The following BCKDK variants were observed in gnomAD, a reference collection of about 807,000 sequenced individuals.
BCKDK encodes branched-chain alpha-ketoacid dehydrogenase kinase.
Under a neutral mutation model 43.9 loss-of-function variants are expected in BCKDK, and 28 were observed. The ratio of observed to expected loss-of-function variants is 0.64; its 90% CI spans 0.47 to 0.87. The LOEUF is 0.87. Among genes scored for constraint, BCKDK ranks in the 40% least tolerant of loss-of-function variants. BCKDK has a pLI of 0.00. For missense variants in BCKDK, 483 were observed against 581.4 expected (o/e 0.83, Z 1.74); for synonymous variants, 257 against 234.3 (o/e 1.10, Z -0.88).
chr16:31,109,765 C>A lies in BCKDK; in HGVS notation c.357C>A (p.Asn119Lys), dbSNP rs1596808721. The stretch of plus-strand genomic sequence containing the variant: ...GCCTTCCTTTCATCATTGGCTGCAA[C>A]CCCACCATACTGCACGTGGTAAGGT... ...FRCLPFIIGC[N>K]PTILHVHELY... The change falls in exon 4 of 12, where the codon AAC becomes AAA. Residue 119 changes from asparagine (N) to lysine (K), a missense_variant. By Grantham distance (94) the Asn-to-Lys change is moderately conservative. Coordinates refer to ENST00000219794, the MANE Select transcript of BCKDK (RefSeq NM_005881.4). The surrounding 1 kb of genome is among the most constrained non-coding windows in gnomAD (Gnocchi z 5.3). 8 of 1,613,800 alleles carry A rather than the reference C, an allele frequency of 5.0e-6. No individual in the cohort carries two copies. Among genetic ancestry groups the A allele is most frequent in the Non-Finnish European group, 5.1e-6 (6 of 1,179,986 alleles).
Position 31,111,297 on chromosome 16 carries a change from T to A in BCKDK, c.846-3T>A, listed in dbSNP as rs118042732. 3.6e-4 allele frequency: 589 copies of A among 1,614,014 alleles called. No individual in the cohort carries two copies. The highest frequency in any genetic ancestry group is 4.4e-4 in the Non-Finnish European group (525 of 1,180,006). On this transcript the variant is annotated splice_region_variant and splice_polypyrimidine_tract_variant and intron_variant, in intron 9 of 11. Transcript: ENST00000219794. ...TACCTACTGGTCTTTCCCCTCTGCA[T>A]AGAGCCACAATGGAGAGTCACCTAG...
downstream of BCKDK, among the ~76,000 whole-genome samples, chr16:31,114,295 C>A (rs1035930438): frequency 2.8e-5 from 4 of 145,148 alleles, no homozygotes; most frequent in African/African-American, 7.6e-5. Flanking sequence ...GCCCCACCCC[C>A]CCCCAACCCC....
chr16:31,109,704 C>T lies in BCKDK; in HGVS notation c.296C>T (p.Pro99Leu), dbSNP rs757061262. Residue 99 changes from proline (P) to leucine (L), a missense_variant, in exon 4 of 12, where the codon CCA becomes CTA. Coordinates refer to ENST00000219794, the MANE Select transcript of BCKDK (RefSeq NM_005881.4). This position sits in a 1 kb window ranked among gnomAD's most constrained non-coding sequence, Gnocchi z 5.3. Reference sequence around the variant, plus strand: ...GCTCGGTACCTGCAGCAAGAACTTCCAGTGAGGATTGCTCACCGCATCAAG... The same window carrying T: ...GCTCGGTACCTGCAGCAAGAACTTCTAGTGAGGATTGCTCACCGCATCAAG... ...KSARYLQQEL[P>L]VRIAHRIKGF... 3.7e-6 allele frequency: 6 copies of T among 1,614,036 alleles called. No homozygotes were observed. Among genetic ancestry groups the T allele is most frequent in the Non-Finnish European group, 4.2e-6 (5 of 1,180,032 alleles).
Position 31,112,186 on chromosome 16 carries a change from A to G in BCKDK, c.1160A>G (p.Gln387Arg). The change falls in exon 12 of 12, where the codon CAG becomes CGG. Residue 387 changes from glutamine to arginine, a missense_variant. Transcript: ENST00000219794. This position sits in a 1 kb window ranked among gnomAD's most constrained non-coding sequence, Gnocchi z 5.0. ...AEYLGGSLQL[Q>R]SLQGIGTDVY... Reference sequence around the variant, plus strand: ...TACCTCGGTGGGTCTCTGCAGCTGCAGTCCCTGCAGGGCATTGGCACGGAC... The same window carrying G: ...TACCTCGGTGGGTCTCTGCAGCTGCGGTCCCTGCAGGGCATTGGCACGGAC... The G allele has an allele frequency of 1.2e-6, 2 of 1,613,116 alleles. No individual in the cohort carries two copies. Among genetic ancestry groups the G allele is most frequent in the Non-Finnish European group, 1.7e-6 (2 of 1,179,938 alleles).
chr16:31,114,292 C>A (rs937791027), downstream of BCKDK, among the ~76,000 whole-genome samples: 3 of 136,290 alleles, frequency 2.2e-5, no homozygotes, highest in East Asian at 2.0e-4. Context: ...TCCGCCCCAC[C>A]CCCCCCCAAC....
rs541312517 is a variant in BCKDK, at chr16:31,112,683, C to T, written c.*418C>T. The T allele has an allele frequency of 1.4e-4, 48 of 349,192 alleles. No individual in the cohort carries two copies. The highest frequency in any genetic ancestry group is 2.2e-4 in the Non-Finnish European group (40 of 181,260). The allele number at this position is 349,192 out of a possible 1,614,324, so 21.6% of individuals were successfully genotyped here. A position where few individuals can be genotyped will look rare whatever the true frequency, so the allele number is the denominator to read the frequency against. ...CCCAGTCTCTTACCTGCCCTGAGAG[C>T]CTGGCAGGCCAGGAGTAGAATGGGT... On this transcript the variant is annotated 3_prime_UTR_variant, in exon 12 of 12. Transcript: ENST00000219794. The surrounding 1 kb of genome is among the most constrained non-coding windows in gnomAD (Gnocchi z 5.0).
chr16:31,109,105 G>A lies in BCKDK; in HGVS notation c.-119G>A. 1.1e-6 allele frequency: 1 copy of A among 901,392 alleles called. No homozygotes were observed. The highest frequency in any genetic ancestry group is 1.6e-6 in the Non-Finnish European group (1 of 636,842). 55.8% of individuals were successfully genotyped at this position (901,392 alleles called of 1,614,324 possible). A position where few individuals can be genotyped will look rare whatever the true frequency, so the allele number is the denominator to read the frequency against. ...GCATCCTCGACGCACCCTGGTCCCT[G>A]AAGTCGGAGAAGAGCCCCTACCCAC... is the stretch of plus-strand genomic sequence containing the variant. On this transcript the variant is annotated 5_prime_UTR_variant, in exon 2 of 12. The change abolishes the stop of an existing upstream ORF in the 5' untranslated region. Transcript: ENST00000219794. The surrounding 1 kb of genome is among the most constrained non-coding windows in gnomAD (Gnocchi z 5.3).
At chr16:31,111,523 T>A in intron 10 of BCKDK, 134 bp downstream of exon 10, 2 of 1,031,668 alleles carry the variant, frequency 1.9e-6, no homozygotes, top group Non-Finnish European at 2.9e-6. Flanking sequence ...AACTATTCTC[T>A]GAATCCTGAG....
chr16:31,111,523 T>G, intron 10 of BCKDK, 134 bp downstream of exon 10: 1 of 1,031,672 alleles, frequency 9.7e-7, no homozygotes, highest in Non-Finnish European at 1.4e-6. Context: ...AACTATTCTC[T>G]GAATCCTGAG....
Position 31,112,428 on chromosome 16 carries a change from A to G in BCKDK, c.*163A>G. ...TGGAGCTGGGCACTGCCCTGCCTCAACAGGGTCCATTGCCTCCTCGCCTCC... is the reference window on the plus strand; with the variant it reads ...TGGAGCTGGGCACTGCCCTGCCTCAGCAGGGTCCATTGCCTCCTCGCCTCC... On this transcript the variant is annotated 3_prime_UTR_variant, in exon 12 of 12. Transcript: ENST00000219794. The surrounding 1 kb of genome is among the most constrained non-coding windows in gnomAD (Gnocchi z 5.0). 3 of 1,199,702 alleles carry G rather than the reference A, an allele frequency of 2.5e-6. No individual in the cohort carries two copies. The highest frequency in any genetic ancestry group is 1.5e-5 in the African/African-American group (1 of 66,762). 74.3% of individuals were successfully genotyped at this position (1,199,702 alleles called of 1,614,324 possible).
intron 8 of BCKDK, 31 bp from the exon 9 acceptor site, chr16:31,111,060 C>A: frequency 1.2e-6 from 2 of 1,611,440 alleles, no homozygotes; most frequent in Non-Finnish European, 1.7e-6. Context: ...GGTGGAGGGG[C>A]CCCTGACTGA....
rs2057400138 is a variant in BCKDK at position 31,110,300 on chromosome 16, A to G, written c.519A>G (p.Leu173=). The change falls in exon 6 of 12, where the codon CTA becomes CTG. Residue 173 remains leucine (L), a synonymous_variant. Coordinates refer to ENST00000219794, the MANE Select transcript of BCKDK (RefSeq NM_005881.4). This position sits in a 1 kb window ranked among gnomAD's most constrained non-coding sequence, Gnocchi z 5.4. ...TGGTGACCCTCTTGGCAGAGGGCCT[A>G]CGTGAGAGCCGGAAGCACATAGAGG... is the stretch of plus-strand genomic sequence containing the variant. ...KDVVTLLAEG[L]RESRKHIEDE... The G allele has an allele frequency of 1.9e-6, 3 of 1,613,976 alleles. No homozygotes were observed. The highest frequency in any genetic ancestry group is 2.5e-6 in the Non-Finnish European group (3 of 1,179,956).
chr16:31,111,494 C>T (rs2057412201), intron 10 of BCKDK, 105 bp downstream of exon 10: 1 of 1,287,294 alleles, frequency 7.8e-7, no homozygotes, highest in South Asian at 1.3e-5. Context: ...CATTCTGGGA[C>T]TTGGTCCCTG....
At chr16:31,117,294 C>T (rs4889619), downstream of BCKDK, among the ~76,000 whole-genome samples, 55,900 of 148,920 alleles carry the variant, frequency 0.38, 11,339 homozygotes, top group East Asian at 0.89. Context: ...CGCTTGAACC[C>T]GGAGGCGGAG....
chr16:31,110,659 G>A lies in BCKDK; in HGVS notation c.643-29G>A, dbSNP rs1441996729. ...ATCTTGGGGTGGGGCTAGGGGCGTG[G>A]GTAGTCCTGACCTCCTTTCTCCGGC... On this transcript the variant is annotated intron_variant, in intron 7 of 11. Coordinates refer to ENST00000219794, the MANE Select transcript of BCKDK (RefSeq NM_005881.4). This position sits in a 1 kb window ranked among gnomAD's most constrained non-coding sequence, Gnocchi z 5.4. 1 of 1,611,818 alleles carries A rather than the reference G, an allele frequency of 6.2e-7. No individual in the cohort carries two copies. Among genetic ancestry groups the A allele is most frequent in the Admixed American group, 1.7e-5 (1 of 59,978 alleles).
chr16:31,109,979 C>G lies in BCKDK; in HGVS notation c.376-98C>G, dbSNP rs2057396952. 4 of 1,546,294 alleles carry G rather than the reference C, an allele frequency of 2.6e-6. No individual in the cohort carries two copies. The highest frequency in any genetic ancestry group is 1.7e-5 in the Admixed American group (1 of 59,636). On this transcript the variant is annotated intron_variant, in intron 4 of 11. Transcript: ENST00000219794. This position sits in a 1 kb window ranked among gnomAD's most constrained non-coding sequence, Gnocchi z 5.3. ...CGAAGTGGGGGTTTGATCACGTGGTCGACCAGCTGGGTGGTGATCCCCATG... is the reference window on the plus strand; with the variant it reads ...CGAAGTGGGGGTTTGATCACGTGGTGGACCAGCTGGGTGGTGATCCCCATG...
Position 31,109,348 on chromosome 16 carries a change from T to C in BCKDK, c.125T>C (p.Met42Thr). 6.2e-7 allele frequency: 1 copy of C among 1,609,318 alleles called. No individual in the cohort carries two copies. Among genetic ancestry groups the C allele is most frequent in the South Asian group, 1.1e-5 (1 of 90,844 alleles). ...GCCACCGACACACACCACGTGGAGATGGCTCGGGAGCGCTCCAAGACCGTC... is the reference window on the plus strand; with the variant it reads ...GCCACCGACACACACCACGTGGAGACGGCTCGGGAGCGCTCCAAGACCGTC... Reference protein sequence around the residue: ...TSATDTHHVEMARERSKTVTS... With the variant: ...TSATDTHHVETARERSKTVTS... Residue 42 changes from methionine (M) to threonine (T), a missense_variant, in exon 2 of 12, where the codon ATG (methionine) becomes ACG (threonine). Physicochemically the swap from Met to Thr is moderately conservative, Grantham distance 81. Transcript: ENST00000219794. The surrounding 1 kb of genome is among the most constrained non-coding windows in gnomAD (Gnocchi z 5.3).
At position 31,109,276 on chromosome 16, in the gene BCKDK, G is replaced by C. The variant is rs575078725; in HGVS notation, c.53G>C (p.Arg18Pro). 7 of 1,586,662 alleles carry C rather than the reference G, an allele frequency of 4.4e-6. No individual in the cohort carries two copies. In the East Asian group the frequency reaches 1.1e-4, roughly 26 times the overall value. The change falls in exon 2 of 12, where the codon CGG becomes CCG. Residue 18 changes from arginine (R) to proline (P), a missense_variant. Arg to Pro is a moderately radical substitution (Grantham distance 103, BLOSUM62 -2). Transcript: ENST00000219794. This position sits in a 1 kb window ranked among gnomAD's most constrained non-coding sequence, Gnocchi z 5.3. ...RSGPGGGLPL[R>P]PLLGPALALR... ...GGTCCCGGGGGCGGGCTTCCGCTCC[G>C]GCCCCTCCTGGGACCCGCACTCGCG...
chr16:31,110,308 G>A lies in BCKDK; in HGVS notation c.527G>A (p.Ser176Asn). ...CTCTTGGCAGAGGGCCTACGTGAGA[G>A]CCGGAAGCACATAGAGGTTGGGGCA... is the stretch of plus-strand genomic sequence containing the variant. ...VTLLAEGLRE[S>N]RKHIEDEKLV... Residue 176 changes from serine (S) to asparagine (N), a missense_variant, in exon 6 of 12, where the codon AGC (serine) becomes AAC (asparagine). Transcript: ENST00000219794. This position sits in a 1 kb window ranked among gnomAD's most constrained non-coding sequence, Gnocchi z 5.4. 1 of 1,614,036 alleles carries A rather than the reference G, an allele frequency of 6.2e-7. No individual in the cohort carries two copies. Among genetic ancestry groups the A allele is most frequent in the Non-Finnish European group, 8.5e-7 (1 of 1,179,972 alleles).
Sources: gnomAD v4.1 joint callset for allele counts (sites outside exome capture counted in the v4.1 genomes callset) on GRCh38, gnomAD v4.1.1 for gene constraint, Gnocchi (gnomAD v3.1) non-coding constraint, MANE v1.5 for transcripts, NCBI Gene and HGNC (gene_info 2026-07-23, HGNC 2026-07-21) for gene names.